RPTOR: variants seen among roughly 807,000 people sequenced by gnomAD.
RPTOR encodes the protein regulatory-associated protein of mTOR.
RPTOR carries 21 observed loss-of-function variants against 169.9 expected under a neutral mutation model. The ratio of observed to expected loss-of-function variants is 0.12; its 90% confidence interval spans 0.09 to 0.18. The LOEUF (loss-of-function observed/expected upper bound fraction) is 0.18, where lower values mean the gene tolerates loss of function less well. Among genes scored for constraint, RPTOR ranks in the 10% least tolerant of loss-of-function variants. The pLI, the probability that RPTOR is intolerant of heterozygous loss-of-function variation, is 1.00. For synonymous variants in RPTOR, 732 were observed against 753.2 expected (o/e 0.97, Z 0.46); for missense variants, 1,133 against 1,855.9 (o/e 0.61, Z 7.16).
At chr17:80,588,914 C>T (rs559032131) in intron 1 of RPTOR, among the ~76,000 whole-genome samples, 2 of 152,284 alleles carry the variant, frequency 1.3e-5, no homozygotes, top group African/African-American at 4.8e-5. Flanking sequence ...TAGTTCTATT[C>T]TAGTTTAATG....
chr17:80,597,186 A>G (rs2065150551), intron 1 of RPTOR, among the ~76,000 whole-genome samples: 1 of 152,204 alleles, frequency 6.6e-6, no homozygotes, highest in African/African-American at 2.4e-5. Context: ...ATTTGGCAGT[A>G]GGAGAGGTGC....
intron 28 of RPTOR, among the ~76,000 whole-genome samples, chr17:80,953,575 C>T (rs568856552): frequency 5.4e-4 from 82 of 152,396 alleles, no homozygotes; most frequent in Admixed American, 1.4e-3. Flanking sequence ...GCCGTGCCTC[C>T]AGGCAGGACA....
chr17:80,563,299 C>T (rs968135509), intron 1 of RPTOR, among the ~76,000 whole-genome samples: 3 of 151,642 alleles, frequency 2.0e-5, no homozygotes, highest in African/African-American at 7.3e-5. Context: ...GCTGAGGAGG[C>T]TGAGGCGGGT....
At chr17:80,917,002 G>T (rs1304509583) in intron 21 of RPTOR, among the ~76,000 whole-genome samples, 1 of 151,860 alleles carries the variant, frequency 6.6e-6, no homozygotes, top group East Asian at 1.9e-4. Context: ...AAGTAAAAGA[G>T]AATGAAAATA....
intron 21 of RPTOR, among the ~76,000 whole-genome samples, chr17:80,921,720 A>G (rs2068747050): frequency 6.6e-6 from 1 of 152,154 alleles, no homozygotes; most frequent in African/African-American, 2.4e-5. Context: ...GGCTTCATCC[A>G]CAGACGGCTG....
At chr17:80,895,136 C>T (rs561454876) in intron 20 of RPTOR, among the ~76,000 whole-genome samples, 275 of 148,332 alleles carry the variant, frequency 1.9e-3, no homozygotes, top group South Asian at 3.8e-3. Context: ...CAGAATTCAG[C>T]CCCTGCCACC....
Position 80,712,307 on chromosome 17 carries a change from C to T in RPTOR, c.507+4308C>T, listed in dbSNP as rs576490473. 7.2e-5 allele frequency among the ~76,000 whole-genome samples: 11 copies of T among 152,266 alleles called. No homozygotes were observed. In the East Asian group the frequency reaches 9.7e-4, roughly 13 times the overall value. On this transcript the variant is annotated intron_variant, in intron 4 of 33. Coordinates refer to ENST00000306801, the MANE Select transcript of RPTOR (RefSeq NM_020761.3). ...TGAATGTGTGATTTCCTGCAACCAC[C>T]GTTAGGTTGCCACACAGAGTAGTGG...
intron 7 of RPTOR, among the ~76,000 whole-genome samples, chr17:80,814,272 G>C (rs139604119): frequency 6.6e-6 from 1 of 152,122 alleles, no homozygotes; most frequent in African/African-American, 2.4e-5. Context: ...TATGTTTTCC[G>C]TGTAGATTAT....
At position 80,726,146 on chromosome 17, in the gene RPTOR, C is replaced by T. The variant is rs1002770126; in HGVS notation, c.508-4414C>T. Among the ~76,000 whole-genome samples the T allele has an allele frequency of 5.9e-5, 9 of 152,188 alleles. No individual in the cohort carries two copies. The highest frequency in any genetic ancestry group is 2.2e-4 in the African/African-American group (9 of 41,444). On this transcript the variant is annotated intron_variant, in intron 4 of 33. Transcript: ENST00000306801. The surrounding 1 kb of genome is among the most constrained non-coding windows in gnomAD (Gnocchi z 4.5). ...CAGAGGCCCACATCCAAGCAGGCTT[C>T]CCAGAGCAGGCGGGGCTGGGAAAGC...
Position 80,560,514 on chromosome 17 carries a change from C to T in RPTOR, c.162+14723C>T, listed in dbSNP as rs145096461. Among the ~76,000 whole-genome samples the T allele has an allele frequency of 7.2e-5, 11 of 152,106 alleles. No homozygotes were observed. In the East Asian group the frequency reaches 1.5e-3, roughly 21 times the overall value. ...GTGAGGTGGTGGTGGCTGGATGGGC[C>T]GGACGGAGAAAGGCCTTCTGGAGGT... On this transcript the variant is annotated intron_variant, in intron 1 of 33. Transcript: ENST00000306801.
At chr17:80,906,704 T>G (rs2068546948) in intron 20 of RPTOR, among the ~76,000 whole-genome samples, 1 of 152,188 alleles carries the variant, frequency 6.6e-6, no homozygotes, top group African/African-American at 2.4e-5. Context: ...CCTCTCATGA[T>G]TCACGCCAGC....
chr17:80,767,933 A>T (rs1379009968), intron 6 of RPTOR, among the ~76,000 whole-genome samples: 1 of 152,052 alleles, frequency 6.6e-6, no homozygotes, highest in East Asian at 1.9e-4. Context: ...GTGCAATCTC[A>T]GCTCACTGCA....
At chr17:80,958,446 T>C (rs1246110372) in intron 29 of RPTOR, among the ~76,000 whole-genome samples, 3 of 138,292 alleles carry the variant, frequency 2.2e-5, no homozygotes, top group Non-Finnish European at 4.6e-5. Flanking sequence ...AGTCTTGCCT[T>C]GTCGCCCAGG....
intron 6 of RPTOR, among the ~76,000 whole-genome samples, chr17:80,762,042 T>C (rs1301236589): frequency 6.6e-6 from 1 of 152,188 alleles, no homozygotes; most frequent in Non-Finnish European, 1.5e-5. Context: ...TTCCAGGCCG[T>C]TTCCAGAGGA....
In RPTOR at chr17:80,683,509, C is replaced by G. The variant is rs934463107; in HGVS notation, c.349-24332C>G. Among the ~76,000 whole-genome samples the G allele has an allele frequency of 3.3e-5, 5 of 152,142 alleles. 1 individual carries two copies. The highest frequency in any genetic ancestry group is 7.3e-5 in the Non-Finnish European group (5 of 68,034). On this transcript the variant is annotated intron_variant, in intron 3 of 33. Transcript: ENST00000306801. ...ATAAGGACTCTGGCTCTGTGCCTAC[C>G]CTGTTCCTTGTGCTGGTTTTGCAAC... is the stretch of plus-strand genomic sequence containing the variant.
At chr17:80,942,260 T>C (rs2069041088) in intron 25 of RPTOR, among the ~76,000 whole-genome samples, 1 of 151,292 alleles carries the variant, frequency 6.6e-6, no homozygotes, top group Admixed American at 6.6e-5. Flanking sequence ...GAGACAGGCT[T>C]GGGAGCTGAG....
In RPTOR at chr17:80,545,191, A is replaced by C. The variant is rs1211331112; in HGVS notation, c.-439A>C. The C allele has an allele frequency of 1.7e-5, 4 of 235,430 alleles. No homozygotes were observed. The highest frequency in any genetic ancestry group is 3.4e-5 in the Non-Finnish European group (4 of 119,358). The allele number at this position is 235,430 out of a possible 1,614,324, so 14.6% of individuals were successfully genotyped here. A position where few individuals can be genotyped will look rare whatever the true frequency, so the allele number is the denominator to read the frequency against. ...ACCCGATCCCTTGGCCGGAGACCTC[A>C]GCCCAGTCGGCCCAGTGGGCGAACC... On this transcript the variant is annotated 5_prime_UTR_variant, in exon 1 of 34. Coordinates refer to ENST00000306801, the MANE Select transcript of RPTOR (RefSeq NM_020761.3).
chr17:80,801,083 C>T (rs1388880600), intron 7 of RPTOR, among the ~76,000 whole-genome samples: 1 of 152,216 alleles, frequency 6.6e-6, no homozygotes, highest in Non-Finnish European at 1.5e-5. Flanking sequence ...TAGCTGATCT[C>T]TGGTTCCCAT....
chr17:80,771,755 C>T (rs2066845646), intron 6 of RPTOR, among the ~76,000 whole-genome samples: 1 of 152,144 alleles, frequency 6.6e-6, no homozygotes, highest in Non-Finnish European at 1.5e-5. Context: ...TCTGAACCCT[C>T]GTGTCCCTCA....
Sources: gnomAD v4.1 joint callset for allele counts (sites outside exome capture counted in the v4.1 genomes callset) on GRCh38, gnomAD v4.1.1 for gene constraint, Gnocchi (gnomAD v3.1) non-coding constraint, MANE v1.5 for transcripts, NCBI Gene and HGNC (gene_info 2026-07-23, HGNC 2026-07-21) for gene names.